The following SRSF1 variants were observed in gnomAD, a reference collection of about 807,000 sequenced individuals.
SRSF1 encodes the protein serine and arginine rich splicing factor 1.
Under a neutral mutation model 25.9 loss-of-function variants are expected in SRSF1, and 1 was observed. The observed-to-expected ratio is 0.04, with a 90% CI of 0.01 to 0.18. The LOEUF (loss-of-function observed/expected upper bound fraction) is 0.18. SRSF1 is among the 10% of genes least tolerant of loss of function. The pLI is 1.00. For missense variants in SRSF1, 65 were observed against 350.5 expected (o/e 0.19, Z 6.50); for synonymous variants, 132 against 126.2 (o/e 1.05, Z -0.31).
intron 1 of SRSF1, 176 bp downstream of exon 1, chr17:58,006,768 G>C: frequency 1.1e-6 from 1 of 922,438 alleles, no homozygotes; most frequent in African/African-American, 1.7e-5. Context: ...TCCAAGGCGA[G>C]GCGCCAGAGA....
At position 58,004,107 on chromosome 17, in the gene SRSF1, T is replaced by C. The variant is rs2143475973; in HGVS notation, c.*1299A>G. 6.5e-6 allele frequency: 1 copy of C among 152,774 alleles called. No individual in the cohort carries two copies. The highest frequency in any genetic ancestry group is 1.9e-4 in the East Asian group (1 of 5,188). 9.5% of individuals were successfully genotyped at this position (152,774 alleles called of 1,614,324 possible). A position where few individuals can be genotyped will look rare whatever the true frequency, so the allele number is the denominator to read the frequency against. ...TTATGTCTGTCATCAGTTTAACAGATGCACATCAATAACTATCAAATTCCC... is the reference window on the plus strand; with the variant it reads ...TTATGTCTGTCATCAGTTTAACAGACGCACATCAATAACTATCAAATTCCC... On this transcript the variant is annotated 3_prime_UTR_variant, in exon 4 of 4. Transcript: ENST00000258962.
chr17:58,006,081 T>C, intron 2 of SRSF1, 108 bp from the exon 3 acceptor site: 1 of 1,092,796 alleles, frequency 9.2e-7, no homozygotes, highest in Non-Finnish European at 1.3e-6. Context: ...ATAGGTGTAC[T>C]TAAGTGATAC....
intron 1 of SRSF1, 28 bp downstream of exon 1, chr17:58,006,916 C>T (rs762456497): frequency 1.9e-6 from 3 of 1,612,104 alleles, no homozygotes; most frequent in Non-Finnish European, 1.7e-6. Flanking sequence ...CCTATTTCCT[C>T]AAGGCTGCAA....
At chr17:57,997,724 T>C (rs992685775), downstream of SRSF1, among the ~76,000 whole-genome samples, 1 of 152,212 alleles carries the variant, frequency 6.6e-6, no homozygotes, top group Non-Finnish European at 1.5e-5. Flanking sequence ...AAACAGCATC[T>C]TGAAGAACTC....
In SRSF1 at chr17:58,004,782, A is replaced by C; in HGVS notation, c.*624T>G. 1 of 393,790 alleles carries C rather than the reference A, an allele frequency of 2.5e-6. No homozygotes were observed. Among genetic ancestry groups the C allele is most frequent in the East Asian group, 3.6e-5 (1 of 27,720 alleles). 24.4% of individuals were successfully genotyped at this position (393,790 alleles called of 1,614,324 possible). A position where few individuals can be genotyped will look rare whatever the true frequency, so the allele number is the denominator to read the frequency against. On this transcript the variant is annotated 3_prime_UTR_variant, in exon 4 of 4. Transcript: ENST00000258962. ...ACAATTGCCAAGGTTTAAAAAGCAAAGCAATTGTAGCTAAAGACAACTGAA... is the reference window on the plus strand; with the variant it reads ...ACAATTGCCAAGGTTTAAAAAGCAACGCAATTGTAGCTAAAGACAACTGAA...
At chr17:57,999,198 T>G (rs2075376117), downstream of SRSF1, among the ~76,000 whole-genome samples, 1 of 152,206 alleles carries the variant, frequency 6.6e-6, no homozygotes, top group Non-Finnish European at 1.5e-5. Flanking sequence ...AACCTCTTAG[T>G]AATACTGAGA....
In SRSF1 at chr17:58,004,890, T is replaced by C; in HGVS notation, c.*516A>G. 1.0e-5 allele frequency: 4 copies of C among 400,062 alleles called. No individual in the cohort carries two copies. Among genetic ancestry groups the C allele is most frequent in the Non-Finnish European group, 8.8e-6 (2 of 226,778 alleles). 24.8% of individuals were successfully genotyped at this position (400,062 alleles called of 1,614,324 possible). ...TTTAGTATAAGGTCAATACTGCCAA[T>C]TTCATCTGTGACAATAGCACTTGGA... On this transcript the variant is annotated 3_prime_UTR_variant, in exon 4 of 4. Coordinates refer to ENST00000258962, the MANE Select transcript of SRSF1 (RefSeq NM_006924.5).
intron 2 of SRSF1, 50 bp from the exon 3 acceptor site, chr17:58,006,023 G>T (rs2075424443): frequency 6.5e-7 from 1 of 1,547,256 alleles, no homozygotes; most frequent in Non-Finnish European, 8.8e-7. Flanking sequence ...TAAATTTCAC[G>T]TTAAGCTGGT....
At chr17:58,006,790 C>T (rs927714616) in intron 1 of SRSF1, 154 bp downstream of exon 1, 1 of 1,018,156 alleles carries the variant, frequency 9.8e-7, no homozygotes, top group African/African-American at 1.6e-5. Context: ...GCCACATCAA[C>T]TCAGCTCCTT....
At chr17:57,998,557 T>C (rs900577711), downstream of SRSF1, among the ~76,000 whole-genome samples, 1 of 152,140 alleles carries the variant, frequency 6.6e-6, no homozygotes, top group Non-Finnish European at 1.5e-5. Flanking sequence ...GGCTTCAGAG[T>C]GCATCTTCAA....
chr17:57,997,895 C>T (rs535136908), downstream of SRSF1, among the ~76,000 whole-genome samples: 5 of 152,270 alleles, frequency 3.3e-5, no homozygotes, highest in South Asian at 1.0e-3. Context: ...ACACTGCGAA[C>T]CAACATTTTA....
At chr17:57,997,503 G>A (rs796801911), downstream of SRSF1, among the ~76,000 whole-genome samples, 29 of 152,230 alleles carry the variant, frequency 1.9e-4, no homozygotes, top group African/African-American at 6.7e-4. Flanking sequence ...AAAAATACAT[G>A]TATTTACCAA....
chr17:58,007,187 A>G lies in SRSF1; in HGVS notation c.-50T>C, dbSNP rs1567749562. On this transcript the variant is annotated 5_prime_UTR_variant, in exon 1 of 4. Transcript: ENST00000258962. Reference sequence around the variant, plus strand: ...GAGAACAGGCCTTCCCACCAAGCCTAGCGCACGGCAGAGCGAGCCCGCAGC... The same window carrying G: ...GAGAACAGGCCTTCCCACCAAGCCTGGCGCACGGCAGAGCGAGCCCGCAGC... 1.9e-6 allele frequency: 3 copies of G among 1,601,992 alleles called. No homozygotes were observed. The highest frequency in any genetic ancestry group is 1.1e-5 in the South Asian group (1 of 90,520).
Position 58,006,706 on chromosome 17 carries a change from G to C in SRSF1, c.195-179C>G, listed in dbSNP as rs926011684. 3 of 886,502 alleles carry C rather than the reference G, an allele frequency of 3.4e-6. No homozygotes were observed. The Admixed American group carries it at 8.8e-5, about 26-fold the overall frequency. 54.9% of individuals were successfully genotyped at this position (886,502 alleles called of 1,614,324 possible). A position where few individuals can be genotyped will look rare whatever the true frequency, so the allele number is the denominator to read the frequency against. ...CGCCAGGCTCCCAACCACTACACCA[G>C]CCCTCAGCGCCTCAGTTTCCCGCTC... is the stretch of plus-strand genomic sequence containing the variant. On this transcript the variant is annotated intron_variant, in intron 1 of 3. Transcript: ENST00000258962.
rs981707394 is a variant in SRSF1 at position 58,004,256 on chromosome 17, C to T, written c.*1150G>A. On this transcript the variant is annotated 3_prime_UTR_variant, in exon 4 of 4. Transcript: ENST00000258962. ...AATGCCAACACTTGTTACTGTACAG[C>T]GTATTACAGGTTTCGTGGTTGCAAG... 6 of 152,578 alleles carry T rather than the reference C, an allele frequency of 3.9e-5. No individual in the cohort carries two copies. Among genetic ancestry groups the T allele is most frequent in the Non-Finnish European group, 1.5e-5 (1 of 68,032 alleles). The allele number at this position is 152,578 out of a possible 1,614,324, so 9.5% of individuals were successfully genotyped here.
chr17:58,002,131 C>T lies in SRSF1; in HGVS notation c.*3275G>A, dbSNP rs2075395489. On this transcript the variant is annotated 3_prime_UTR_variant, in exon 4 of 4. Transcript: ENST00000258962. ...TTTTTAAAATGTTCTACACATAAAA[C>T]TTCTTAGAATTTCAAGAATGTCATG... 6.6e-6 allele frequency among the ~76,000 whole-genome samples: 1 copy of T among 152,160 alleles called. No homozygotes were observed. Among genetic ancestry groups the T allele is most frequent in the Non-Finnish European group, 1.5e-5 (1 of 68,034 alleles).
chr17:58,006,710 T>A, intron 1 of SRSF1, 183 bp from the exon 2 acceptor site: 1 of 873,112 alleles, frequency 1.1e-6, no homozygotes, highest in Non-Finnish European at 1.7e-6. Flanking sequence ...ACACCAGCCC[T>A]CAGCGCCTCA....
chr17:57,990,552 T>C, the SRSF1 span: 1 of 152,182 alleles, frequency 6.6e-6, no homozygotes, highest in Admixed American at 6.5e-5. Flanking sequence ...GCTCCATCCT[T>C]ACCTAGAAGG....
Position 58,007,199 on chromosome 17 carries a change from A to T in SRSF1, c.-62T>A. ...TCCCACCAAGCCTAGCGCACGGCAG[A>T]GCGAGCCCGCAGCGGCACCACGTCT... is the stretch of plus-strand genomic sequence containing the variant. On this transcript the variant is annotated 5_prime_UTR_variant, in exon 1 of 4. Transcript: ENST00000258962. 6.3e-7 allele frequency: 1 copy of T among 1,587,440 alleles called. No individual in the cohort carries two copies.
Sources: gnomAD v4.1 joint callset for allele counts (sites outside exome capture counted in the v4.1 genomes callset) on GRCh38, gnomAD v4.1.1 for gene constraint, MANE v1.5 for transcripts, NCBI Gene and HGNC (gene_info 2026-07-23, HGNC 2026-07-21) for gene names.